Variants in CADPS2 observed in about 807,000 individuals in gnomAD.
The protein encoded by CADPS2 is calcium-dependent secretion activator 2.
CADPS2 carries 93 observed loss-of-function variants against 172.5 expected under a neutral mutation model. The ratio of observed to expected loss-of-function variants is 0.54; its 90% CI spans 0.46 to 0.64. The LOEUF (loss-of-function observed/expected upper bound fraction) is 0.64. Ranked by LOEUF, CADPS2 falls within the 30% of genes least tolerant of loss-of-function variation. The pLI is 0.00. For synonymous variants in CADPS2, 546 were observed against 555.2 expected, an observed-to-expected ratio of 0.98 and a Z score of 0.23; for missense variants, 1,420 against 1,565.9, an observed-to-expected ratio of 0.91 and a Z score of 1.57.
chr7:122,847,087 C>G (rs1812185062), intron 1 of CADPS2, among the ~76,000 whole-genome samples: 1 of 152,094 alleles, frequency 6.6e-6, no homozygotes, highest in African/African-American at 2.4e-5. Flanking sequence ...CACATTCATA[C>G]CTTTTTTTTT....
Position 122,844,023 on chromosome 7 carries a change from A to G in CADPS2, c.339+41976T>C, listed in dbSNP as rs1811294593. Among the ~76,000 whole-genome samples, 6 of 152,320 alleles carry G rather than the reference A, an allele frequency of 3.9e-5. No individual in the cohort carries two copies. The South Asian group carries it at 1.2e-3, about 32-fold the overall frequency. On this transcript the variant is annotated intron_variant, in intron 1 of 29. Transcript: ENST00000449022. ...AGGATCATAGACGAGTTAGTTAGGA[A>G]TCCAGTTTCCAGGCAACTGGGCACC...
At chr7:122,666,801 C>CA (rs2081239420) in intron 2 of CADPS2, among the ~76,000 whole-genome samples, 3 of 152,168 alleles carry the variant, frequency 2.0e-5, no homozygotes, top group Admixed American at 2.0e-4. Flanking sequence ...CCCAATGTAC[C>CA]ATTCCCACTG....
intron 2 of CADPS2, among the ~76,000 whole-genome samples, chr7:122,720,735 C>T (rs914952105): frequency 2.6e-5 from 4 of 151,898 alleles, no homozygotes; most frequent in African/African-American, 9.7e-5. Flanking sequence ...AAAAGTGAAT[C>T]ACCTAGTTTC....
At chr7:122,679,791 C>T (rs1394913975) in intron 2 of CADPS2, among the ~76,000 whole-genome samples, 2 of 152,132 alleles carry the variant, frequency 1.3e-5, no homozygotes, top group African/African-American at 4.8e-5. Context: ...TAGCAAAGGA[C>T]CCACATTGAA....
At chr7:122,700,388 T>A (rs901097066) in intron 2 of CADPS2, among the ~76,000 whole-genome samples, 1 of 152,166 alleles carries the variant, frequency 6.6e-6, no homozygotes, top group Non-Finnish European at 1.5e-5. Context: ...AGAATACTGA[T>A]GATATAAAAC....
chr7:122,850,368 G>T (rs1813226548), intron 1 of CADPS2: 1 of 366,546 alleles, frequency 2.7e-6, no homozygotes, highest in Non-Finnish European at 5.2e-6. Flanking sequence ...ACCTAGGGGG[G>T]TGACACCTTC....
At chr7:122,605,005 T>A (rs906851173) in intron 6 of CADPS2, among the ~76,000 whole-genome samples, 7 of 152,144 alleles carry the variant, frequency 4.6e-5, no homozygotes, top group Non-Finnish European at 1.0e-4. Flanking sequence ...CAATTGCTCC[T>A]GGGCTACAAA....
intron 12 of CADPS2, among the ~76,000 whole-genome samples, chr7:122,477,278 C>T (rs1317168377): frequency 2.6e-5 from 4 of 152,020 alleles, no homozygotes; most frequent in Non-Finnish European, 5.9e-5. Flanking sequence ...TTTGGGAGGC[C>T]GAGGTGGGTG....
intron 14 of CADPS2, among the ~76,000 whole-genome samples, chr7:122,454,532 T>C (rs2053528185): frequency 6.6e-6 from 1 of 152,168 alleles, no homozygotes; most frequent in Admixed American, 6.5e-5. Flanking sequence ...ACCCTTACAT[T>C]AGACATTTTC....
intron 15 of CADPS2, among the ~76,000 whole-genome samples, chr7:122,442,510 G>A (rs2151968361): frequency 6.6e-6 from 1 of 152,152 alleles, no homozygotes; most frequent in Non-Finnish European, 1.5e-5. Flanking sequence ...GTATCTCCAT[G>A]TCATTTTGCA....
intron 8 of CADPS2, among the ~76,000 whole-genome samples, chr7:122,527,617 A>AGAGAGTGTGTGTGTGTGT: frequency 1.2e-5 from 1 of 83,806 alleles, no homozygotes; most frequent in Non-Finnish European, 2.6e-5. Flanking sequence ...AGAGAGAGAG[A>AGAGAGTGTGTGTGTGTGT]GTGTGTGTGT....
intron 25 of CADPS2, among the ~76,000 whole-genome samples, chr7:122,373,277 A>G (rs1292463783): frequency 6.6e-6 from 1 of 151,970 alleles, no homozygotes; most frequent in Non-Finnish European, 1.5e-5. Context: ...ATGGTTCCCT[A>G]TTGTAAAATA....
At chr7:122,809,420 G>GA (rs56120318) in intron 1 of CADPS2, among the ~76,000 whole-genome samples, 28,452 of 144,224 alleles carry the variant, frequency 0.2, 2,838 homozygotes, top group Middle Eastern at 0.29. Flanking sequence ...AAAAAAAAAA[G>GA]AAAAAAAAAA....
At chr7:122,581,108 T>A in intron 7 of CADPS2, 71 bp downstream of exon 7, 5 of 1,066,982 alleles carry the variant, frequency 4.7e-6, no homozygotes, top group Non-Finnish European at 7.2e-6. Context: ...GGCATACTGA[T>A]CTACCTTAAT....
chr7:122,743,361 A>G (rs2092581638), intron 1 of CADPS2, among the ~76,000 whole-genome samples: 1 of 152,120 alleles, frequency 6.6e-6, no homozygotes, highest in South Asian at 2.1e-4. Context: ...ATTCTGAATC[A>G]TGGATCAACT....
At chr7:122,815,611 T>A (rs1420052949) in intron 1 of CADPS2, among the ~76,000 whole-genome samples, 1 of 144,978 alleles carries the variant, frequency 6.9e-6, no homozygotes, top group African/African-American at 2.6e-5. Flanking sequence ...TGGGTAATAA[T>A]GAAATACAAA....
At chr7:122,496,192 T>C (rs1215700122) in intron 9 of CADPS2, among the ~76,000 whole-genome samples, 1 of 152,184 alleles carries the variant, frequency 6.6e-6, no homozygotes, top group Non-Finnish European at 1.5e-5. Flanking sequence ...GACAGAGTCT[T>C]GCTCTGTAGC....
At chr7:122,697,166 G>C (rs910308514) in intron 2 of CADPS2, among the ~76,000 whole-genome samples, 2 of 151,966 alleles carry the variant, frequency 1.3e-5, no homozygotes, top group Non-Finnish European at 2.9e-5. Context: ...AAGAGTGCTA[G>C]TATTTTATTT....
At chr7:122,606,959 T>C (rs1432439717) in intron 6 of CADPS2, among the ~76,000 whole-genome samples, 1 of 152,080 alleles carries the variant, frequency 6.6e-6, no homozygotes, top group Non-Finnish European at 1.5e-5. Context: ...GTGGGAGAAC[T>C]GCTAAGAATT....
Sources: gnomAD v4.1 joint callset for allele counts (sites outside exome capture counted in the v4.1 genomes callset) on GRCh38, gnomAD v4.1.1 for gene constraint, MANE v1.5 for transcripts, NCBI Gene and HGNC (gene_info 2026-07-23, HGNC 2026-07-21) for gene names.